PCDHA8: variants seen among roughly 807,000 people sequenced by gnomAD.
The protein encoded by PCDHA8 is protocadherin alpha 8.
Under a neutral mutation model 61.8 loss-of-function variants are expected in PCDHA8, and 53 were observed. That is an observed-to-expected ratio of 0.86 (90% CI 0.69 to 1.08). The LOEUF (loss-of-function observed/expected upper bound fraction) is 1.08, where lower values mean the gene tolerates loss of function less well. PCDHA8 is among the 50% of genes least tolerant of loss of function. PCDHA8 has a pLI of 0.00. For synonymous variants in PCDHA8, 618 were observed against 556.6 expected (o/e 1.11, Z -1.55); for missense variants, 1,293 against 1,245.0 (o/e 1.04, Z -0.58).
chr5:140,857,567 G>C, intron 1 of PCDHA8: 1 of 1,596,986 alleles, frequency 6.3e-7, no homozygotes, highest in Non-Finnish European at 8.6e-7. Flanking sequence ...GTCGAGCTAC[G>C]TGTCGGTGCA....
At chr5:140,971,715 T>C (rs2096493906) in intron 1 of PCDHA8, among the ~76,000 whole-genome samples, 1 of 152,048 alleles carries the variant, frequency 6.6e-6, no homozygotes. Context: ...TATATAGATA[T>C]ATGTATATCA....
chr5:140,952,798 G>T (rs1554220633), intron 1 of PCDHA8, among the ~76,000 whole-genome samples: 1 of 152,138 alleles, frequency 6.6e-6, no homozygotes, highest in African/African-American at 2.4e-5. Flanking sequence ...TAACTGGCTC[G>T]CAGTTCTGCA....
chr5:140,897,312 T>G (rs1367286366), intron 1 of PCDHA8, among the ~76,000 whole-genome samples: 12 of 150,180 alleles, frequency 8.0e-5, no homozygotes, highest in Non-Finnish European at 1.6e-4. Context: ...TAGGTATATC[T>G]CCTAAAGCTA....
chr5:140,841,901 C>G lies in PCDHA8; in HGVS notation c.580C>G (p.Leu194Val). ...SKNDENKLVE[L>V]VLRKSLDRED... ...GAACGATGAGAATAAACTGGTTGAG[C>G]TCGTATTAAGAAAATCCTTGGACAG... Residue 194 changes from leucine to valine, a missense_variant, in exon 1 of 4, where the codon CTC becomes GTC. By Grantham distance (32) the Leu-to-Val change is conservative (BLOSUM62 1). Transcript: ENST00000531613. 1 of 1,613,844 alleles carries G rather than the reference C, an allele frequency of 6.2e-7. No individual in the cohort carries two copies. Among genetic ancestry groups the G allele is most frequent in the Non-Finnish European group, 8.5e-7 (1 of 1,179,840 alleles).
chr5:140,914,528 A>G (rs1333576504), intron 1 of PCDHA8, among the ~76,000 whole-genome samples: 2 of 152,114 alleles, frequency 1.3e-5, no homozygotes, highest in African/African-American at 4.8e-5. Flanking sequence ...TCATCCATTC[A>G]GCCACTTTAT....
At chr5:140,987,588 A>G (rs1479484790) in intron 3 of PCDHA8, among the ~76,000 whole-genome samples, 1 of 152,220 alleles carries the variant, frequency 6.6e-6, no homozygotes, top group Non-Finnish European at 1.5e-5. Flanking sequence ...TGGGGAGAAT[A>G]GTGGTGTCTA....
At chr5:140,918,562 A>G (rs536690328) in intron 1 of PCDHA8, among the ~76,000 whole-genome samples, 17 of 152,330 alleles carry the variant, frequency 1.1e-4, no homozygotes, top group African/African-American at 3.4e-4. Context: ...AGAAGAATGT[A>G]TATTATGCTG....
At chr5:140,997,291 G>C (rs2097766119) in intron 3 of PCDHA8, among the ~76,000 whole-genome samples, 1 of 152,030 alleles carries the variant, frequency 6.6e-6, no homozygotes, top group African/African-American at 2.4e-5. Flanking sequence ...TTAACAATGG[G>C]GATACACTGA....
intron 1 of PCDHA8, among the ~76,000 whole-genome samples, chr5:140,844,558 A>G (rs1779439411): frequency 6.7e-6 from 1 of 149,510 alleles, no homozygotes; most frequent in South Asian, 2.1e-4. Flanking sequence ...GAGTTGGAAT[A>G]TTTTCAATAA....
intron 1 of PCDHA8, chr5:140,865,312 G>A (rs949727799): frequency 1.1e-4 from 17 of 152,148 alleles, no homozygotes; most frequent in African/African-American, 4.1e-4. Context: ...TTACAAATGA[G>A]ATGGCCTTTA....
In PCDHA8 at chr5:140,875,617, G is replaced by T; in HGVS notation, c.2394+31902G>T. On this transcript the variant is annotated intron_variant, in intron 1 of 3. Coordinates refer to ENST00000531613, the MANE Select transcript of PCDHA8 (RefSeq NM_018911.3). ...ACACGGCACCTTCGTGGGCCGCATC[G>T]CTCAGGACCTGGGGCTGGAGCTGGC... 1 of 1,613,780 alleles carries T rather than the reference G, an allele frequency of 6.2e-7. No homozygotes were observed. The highest frequency in any genetic ancestry group is 2.2e-5 in the East Asian group (1 of 44,888).
At position 140,842,935 on chromosome 5, in the gene PCDHA8, C is replaced by T. The variant is rs1329962165; in HGVS notation, c.1614C>T (p.Arg538=). ...TGCTGCAGTTCCAGGTGAGCGCGCG[C>T]GACGCGGGCGTGCCGCCTCTGGGCA... ...LELLQFQVSA[R]DAGVPPLGSN... Residue 538 remains arginine (R), a synonymous_variant, in exon 1 of 4, where the codon CGC becomes CGT. Transcript: ENST00000531613. The T allele has an allele frequency of 3.8e-6, 6 of 1,594,442 alleles. No individual in the cohort carries two copies. In the African/African-American group the frequency reaches 8.1e-5, roughly 21 times the overall value.
chr5:140,916,957 T>C (rs1478651535), intron 1 of PCDHA8, among the ~76,000 whole-genome samples: 1 of 152,224 alleles, frequency 6.6e-6, no homozygotes, highest in African/African-American at 2.4e-5. Context: ...TGCTGAGTTC[T>C]GACTGCTGGG....
chr5:140,882,942 C>T (rs2059373370), intron 1 of PCDHA8: 1 of 1,614,224 alleles, frequency 6.2e-7, no homozygotes. Flanking sequence ...CTGACTGGCA[C>T]AGTTCAGCTG....
chr5:140,870,054 T>A (rs895309313), intron 1 of PCDHA8: 2 of 1,613,676 alleles, frequency 1.2e-6, no homozygotes, highest in African/African-American at 2.7e-5. Flanking sequence ...TTTATAAAAT[T>A]GAAGTACAGG....
At chr5:140,882,225 C>T (rs782533520) in intron 1 of PCDHA8, 9 of 1,559,344 alleles carry the variant, frequency 5.8e-6, no homozygotes, top group Middle Eastern at 1.7e-4. Flanking sequence ...TGAGGTAAGG[C>T]GTTGTATATA....
intron 1 of PCDHA8, chr5:140,858,198 C>T (rs1418909754): frequency 1.9e-6 from 3 of 1,597,294 alleles, no homozygotes; most frequent in African/African-American, 2.7e-5. Flanking sequence ...CTGCTGTACA[C>T]TGCACTGAGG....
At chr5:140,876,361 C>T (rs1554168496) in intron 1 of PCDHA8, 1 of 1,613,880 alleles carries the variant, frequency 6.2e-7, no homozygotes. Flanking sequence ...TTCAATAAAT[C>T]CAGACACAGG....
intron 1 of PCDHA8, chr5:140,968,123 C>T (rs782499744): frequency 1.1e-5 from 17 of 1,614,058 alleles, no homozygotes; most frequent in Admixed American, 3.3e-5. Context: ...CACATCCCTG[C>T]GTACACTGAA....
Sources: gnomAD v4.1 joint callset for allele counts (sites outside exome capture counted in the v4.1 genomes callset) on GRCh38, gnomAD v4.1.1 for gene constraint, MANE v1.5 for transcripts, NCBI Gene and HGNC (gene_info 2026-07-23, HGNC 2026-07-21) for gene names.